Variants in PPM1L observed in about 807,000 individuals in gnomAD.
PPM1L encodes protein phosphatase, Mg2+/Mn2+ dependent 1L.
Under a neutral mutation model 31.4 loss-of-function variants are expected in PPM1L, and 13 were observed. That is an observed-to-expected ratio of 0.41 (90% CI 0.27 to 0.66). PPM1L has a LOEUF of 0.66. PPM1L is among the 30% of genes least tolerant of loss of function. The probability of loss-of-function intolerance (pLI) is 0.29; values close to 1 mark genes in which losing one functional copy is unlikely to be tolerated. For missense variants in PPM1L, 326 were observed against 453.7 expected, an observed-to-expected ratio of 0.72 and a Z score of 2.56; for synonymous variants, 184 against 175.4, an observed-to-expected ratio of 1.05 and a Z score of -0.39.
chr3:161,048,294 G>A (rs1191630232), intron 2 of PPM1L, among the ~76,000 whole-genome samples: 1 of 152,186 alleles, frequency 6.6e-6, no homozygotes, highest in Non-Finnish European at 1.5e-5. Context: ...CTTCTCAAAA[G>A]AAGACATTTA....
At chr3:160,813,707 T>A (rs979086321) in intron 1 of PPM1L, among the ~76,000 whole-genome samples, 19 of 152,320 alleles carry the variant, frequency 1.2e-4, no homozygotes, top group African/African-American at 4.6e-4. Flanking sequence ...TAATAAATAA[T>A]CCTCTCATAC....
At chr3:160,812,323 C>A (rs1712838141) in intron 1 of PPM1L, among the ~76,000 whole-genome samples, 1 of 152,164 alleles carries the variant, frequency 6.6e-6, no homozygotes, top group Non-Finnish European at 1.5e-5. Flanking sequence ...CCTAAGTTGT[C>A]ACTGTGATTT....
At chr3:161,003,474 T>G (rs1393212488) in intron 2 of PPM1L, among the ~76,000 whole-genome samples, 9 of 151,724 alleles carry the variant, frequency 5.9e-5, no homozygotes, top group Non-Finnish European at 7.4e-5. Flanking sequence ...CCCATGAGCA[T>G]GGAATGTTCT....
intron 1 of PPM1L, among the ~76,000 whole-genome samples, chr3:160,918,376 G>T (rs925940907): frequency 2.0e-5 from 3 of 152,372 alleles, no homozygotes; most frequent in South Asian, 2.1e-4. Context: ...ACCAAGATTT[G>T]TCTGCACAGT....
At chr3:161,024,739 C>G (rs1470989065) in intron 2 of PPM1L, among the ~76,000 whole-genome samples, 2 of 151,426 alleles carry the variant, frequency 1.3e-5, no homozygotes, top group Non-Finnish European at 2.9e-5. Flanking sequence ...TGAGGTTTTT[C>G]CAGTGAGCTC....
chr3:160,787,538 C>T (rs1444562028), intron 1 of PPM1L, among the ~76,000 whole-genome samples: 1 of 151,886 alleles, frequency 6.6e-6, no homozygotes, highest in South Asian at 2.1e-4. Context: ...TCTCCCATCC[C>T]ATAGGTTGTC....
chr3:160,992,760 A>G lies in PPM1L; in HGVS notation c.574+30850A>G, dbSNP rs1717176773. Among the ~76,000 whole-genome samples, 8 of 152,214 alleles carry G rather than the reference A, an allele frequency of 5.3e-5. No homozygotes were observed. The South Asian group carries it at 1.7e-3, about 32-fold the overall frequency. On this transcript the variant is annotated intron_variant, in intron 2 of 3. Transcript: ENST00000498165. ...GTATCTGCTGGACAGATTTTGATCC[A>G]GTTTGGATCACATGTTCTTCTACAA...
chr3:161,050,702 T>C (rs1476336303), intron 2 of PPM1L, among the ~76,000 whole-genome samples: 1 of 152,186 alleles, frequency 6.6e-6, no homozygotes, highest in South Asian at 2.1e-4. Context: ...CTATAATTAA[T>C]GTCCTTGTAA....
intron 1 of PPM1L, among the ~76,000 whole-genome samples, chr3:160,766,579 C>T (rs535206975): frequency 6.6e-6 from 1 of 152,216 alleles, no homozygotes; most frequent in South Asian, 2.1e-4. Flanking sequence ...CCTGAGGCCT[C>T]CCCAGCCATG....
chr3:161,024,075 G>A (rs1198381350), intron 2 of PPM1L, among the ~76,000 whole-genome samples: 3 of 151,944 alleles, frequency 2.0e-5, no homozygotes, highest in Admixed American at 1.3e-4. Flanking sequence ...TCAGGAGTTC[G>A]AGGCTAGCGT....
intron 2 of PPM1L, among the ~76,000 whole-genome samples, chr3:161,003,421 A>C (rs1717579196): frequency 6.6e-6 from 1 of 151,842 alleles, no homozygotes; most frequent in East Asian, 1.9e-4. Flanking sequence ...TCTATAAATT[A>C]CCTTGGGCAG....
At chr3:160,972,582 CT>C (rs1485793202) in intron 2 of PPM1L, among the ~76,000 whole-genome samples, 1 of 152,154 alleles carries the variant, frequency 6.6e-6, no homozygotes, top group Non-Finnish European at 1.5e-5. Flanking sequence ...GCCACATTTT[CT>C]TAATCCAGTC....
chr3:160,815,260 C>T (rs1712960580), intron 1 of PPM1L, among the ~76,000 whole-genome samples: 1 of 152,152 alleles, frequency 6.6e-6, no homozygotes, highest in Non-Finnish European at 1.5e-5. Flanking sequence ...TTTTACCTAT[C>T]CTTCAGTACC....
chr3:160,901,670 C>T (rs1175517656), intron 1 of PPM1L, among the ~76,000 whole-genome samples: 1 of 152,154 alleles, frequency 6.6e-6, no homozygotes, highest in Non-Finnish European at 1.5e-5. Context: ...TTGAATATGC[C>T]TCATATGATG....
At chr3:161,022,166 A>G in intron 2 of PPM1L, 1 of 675,132 alleles carries the variant, frequency 1.5e-6, no homozygotes, top group Non-Finnish European at 2.7e-6. Context: ...TACTTTTTGA[A>G]TGACTGCTTG....
chr3:160,944,943 TAAC>T (rs1319569662), intron 1 of PPM1L, among the ~76,000 whole-genome samples: 2 of 59,376 alleles, frequency 3.4e-5, no homozygotes, highest in East Asian at 2.9e-4. Context: ...ATATTATATA[TAAC>T]TATATATAAC....
intron 1 of PPM1L, among the ~76,000 whole-genome samples, chr3:160,960,055 A>AGT (rs1715902064): frequency 1.3e-5 from 2 of 152,034 alleles, no homozygotes; most frequent in African/African-American, 4.8e-5. Flanking sequence ...CTTCCTGGTC[A>AGT]GTACATATAG....
At chr3:160,775,867 G>T (rs1711547249) in intron 1 of PPM1L, among the ~76,000 whole-genome samples, 1 of 152,180 alleles carries the variant, frequency 6.6e-6, no homozygotes, top group Non-Finnish European at 1.5e-5. Flanking sequence ...ATATCAAAAA[G>T]TGGGGAAATG....
At chr3:160,816,545 G>C (rs1713000263) in intron 1 of PPM1L, among the ~76,000 whole-genome samples, 1 of 150,584 alleles carries the variant, frequency 6.6e-6, no homozygotes, top group Non-Finnish European at 1.5e-5. Flanking sequence ...GTTTGATGTT[G>C]AAAAATTTCC....
Sources: allele counts gnomAD v4.1 joint callset (sites outside exome capture counted in the v4.1 genomes callset), GRCh38; gene constraint gnomAD v4.1.1; transcripts MANE v1.5; gene names NCBI Gene and HGNC (gene_info 2026-07-23, HGNC 2026-07-21).